The following GPR4 variants were observed in gnomAD, a reference collection of about 807,000 sequenced individuals.
GPR4 encodes G protein-coupled receptor 4.
GPR4 carries 11 observed loss-of-function variants against 17.8 expected under a neutral mutation model. The ratio of observed to expected loss-of-function variants is 0.62; its 90% CI spans 0.39 to 1.02. The LOEUF is 1.02. Among genes scored for constraint, GPR4 ranks in the 50% least tolerant of loss-of-function variants. The pLI, the probability that GPR4 is intolerant of heterozygous loss-of-function variation, is 0.00. For synonymous variants in GPR4, 219 were observed against 222.8 expected (o/e 0.98, Z 0.15); for missense variants, 364 against 495.4 (o/e 0.73, Z 2.52).
chr19:45,591,396 C>G lies in GPR4; in HGVS notation c.471G>C (p.Glu157Asp), dbSNP rs763434229. ...TGTGGTTGTAGCGGTCTCGGAAGAG[C>G]TCGTCATGGAACAGGGGCGCCGAGT... ...GANSAPLFHDELFRDRYNHTF... is the reference protein window; with the variant it reads ...GANSAPLFHDDLFRDRYNHTF... The change falls in exon 2 of 2, where the codon GAG (glutamate) becomes GAC (aspartate). Residue 157 changes from glutamate to aspartate, a missense_variant. Coordinates refer to ENST00000323040, the MANE Select transcript of GPR4 (RefSeq NM_005282.3). The surrounding 1 kb of genome is among the most constrained non-coding windows in gnomAD (Gnocchi z 7.6). The G allele has an allele frequency of 1.2e-6, 2 of 1,613,348 alleles. No homozygotes were observed. Among genetic ancestry groups the G allele is most frequent in the Non-Finnish European group, 1.7e-6 (2 of 1,179,868 alleles).
chr19:45,592,918 G>C (rs1324033062), intron 1 of GPR4, among the ~76,000 whole-genome samples: 2 of 152,120 alleles, frequency 1.3e-5, no homozygotes, highest in African/African-American at 4.8e-5. Flanking sequence ...CAGGCCGGGT[G>C]CAGTGGCTCA....
intron 1 of GPR4, among the ~76,000 whole-genome samples, chr19:45,594,178 C>T (rs955817532): frequency 1.4e-5 from 2 of 146,232 alleles, no homozygotes; most frequent in Non-Finnish European, 3.0e-5. Flanking sequence ...AATCGCAGCA[C>T]TTTGGGAGGC....
At chr19:45,598,498 C>G (rs1970080494) in intron 1 of GPR4, among the ~76,000 whole-genome samples, 1 of 152,030 alleles carries the variant, frequency 6.6e-6, no homozygotes, top group African/African-American at 2.4e-5. Flanking sequence ...CCAGCTCTCA[C>G]CCCTCCTCCC....
In GPR4 at chr19:45,592,289, T is replaced by C. The variant is rs186885638; in HGVS notation, c.-423A>G. The C allele has an allele frequency of 7.8e-5, 14 of 179,280 alleles. No individual in the cohort carries two copies. Among genetic ancestry groups the C allele is most frequent in the Admixed American group, 1.9e-4 (3 of 15,796 alleles). 11.1% of individuals were successfully genotyped at this position (179,280 alleles called of 1,614,324 possible). A position where few individuals can be genotyped will look rare whatever the true frequency, so the allele number is the denominator to read the frequency against. Reference sequence around the variant, plus strand: ...CAATTAGGAAGTATGTGTAGCCATATTGAAGTAATAATGGCGGGGGAATGT... The same window carrying C: ...CAATTAGGAAGTATGTGTAGCCATACTGAAGTAATAATGGCGGGGGAATGT... On this transcript the variant is annotated 5_prime_UTR_variant, in exon 2 of 2. Transcript: ENST00000323040.
chr19:45,593,169 G>C (rs1475143475), intron 1 of GPR4, among the ~76,000 whole-genome samples: 1 of 141,686 alleles, frequency 7.1e-6, no homozygotes, highest in East Asian at 2.0e-4. Flanking sequence ...CGGCACTCCA[G>C]CTTGGGCAAC....
Position 45,591,912 on chromosome 19 carries a change from C to A in GPR4, c.-46G>T. On this transcript the variant is annotated 5_prime_UTR_variant, in exon 2 of 2. Transcript: ENST00000323040. This position sits in a 1 kb window ranked among gnomAD's most constrained non-coding sequence, Gnocchi z 7.6. ...GGGCGCTTCCCCTGGCCCACGGGGG[C>A]TGTGGGGCCACAGGGAGCGGGAGGC... The A allele has an allele frequency of 6.6e-7, 1 of 1,522,284 alleles. No individual in the cohort carries two copies. Among genetic ancestry groups the A allele is most frequent in the Non-Finnish European group, 8.8e-7 (1 of 1,136,006 alleles). 94.3% of individuals were successfully genotyped at this position (1,522,284 alleles called of 1,614,324 possible). A position where few individuals can be genotyped will look rare whatever the true frequency, so the allele number is the denominator to read the frequency against.
chr19:45,593,922 C>A (rs1970025234), intron 1 of GPR4, among the ~76,000 whole-genome samples: 1 of 149,134 alleles, frequency 6.7e-6, no homozygotes, highest in Non-Finnish European at 1.5e-5. Flanking sequence ...CTCTTTTGTC[C>A]AGACTAGAAT....
At chr19:45,594,154 A>C (rs370568053) in intron 1 of GPR4, among the ~76,000 whole-genome samples, 18 of 143,752 alleles carry the variant, frequency 1.3e-4, no homozygotes, top group East Asian at 8.0e-4. Context: ...TGAGCTCAAG[A>C]GATCCTTCCC....
Position 45,590,958 on chromosome 19 carries a change from G to A in GPR4, c.909C>T (p.Asn303=), listed in dbSNP as rs145621795. ...ARSDVAKALH[N]LLRFLASDKP... is the part of the protein sequence containing the mutation. ...TGTCGCTGGCCAGAAAGCGGAGCAGGTTGTGCAGGGCCTTGGCCACATCGC... is the reference window on the plus strand; with the variant it reads ...TGTCGCTGGCCAGAAAGCGGAGCAGATTGTGCAGGGCCTTGGCCACATCGC... The change falls in exon 2 of 2, where the codon AAC becomes AAT. Residue 303 remains asparagine, a synonymous_variant. Coordinates refer to ENST00000323040, the MANE Select transcript of GPR4 (RefSeq NM_005282.3). 813 of 1,613,906 alleles carry A rather than the reference G, an allele frequency of 5.0e-4. 7 individuals carry two copies. Among genetic ancestry groups the A allele is most frequent in the Middle Eastern group, 1.6e-4 (1 of 6,084 alleles).
chr19:45,601,317 A>T (rs112302066), intron 1 of GPR4, among the ~76,000 whole-genome samples: 46 of 152,336 alleles, frequency 3.0e-4, no homozygotes, highest in African/African-American at 1.1e-3. Flanking sequence ...AGGCGGAAGC[A>T]GGAAAGAGTT....
rs543958012 is a variant in GPR4 at position 45,596,206 on chromosome 19, T to C, written c.-831-3509A>G. Among the ~76,000 whole-genome samples, 268 of 148,312 alleles carry C rather than the reference T, an allele frequency of 1.8e-3. 1 individual carries two copies. The highest frequency in any genetic ancestry group is 6.0e-3 in the African/African-American group (245 of 40,720). On this transcript the variant is annotated intron_variant, in intron 1 of 1. Coordinates refer to ENST00000323040, the MANE Select transcript of GPR4 (RefSeq NM_005282.3). ...AAGATCTTTCTTTTCTTTTCTTCTTTTTTTTTTTTTTTTTGAGATGGAGAG... is the reference window on the plus strand; with the variant it reads ...AAGATCTTTCTTTTCTTTTCTTCTTCTTTTTTTTTTTTTTGAGATGGAGAG...
At position 45,590,761 on chromosome 19, in the gene GPR4, T is replaced by A. The variant is rs1568415808; in HGVS notation, c.*17A>T. 6.5e-7 allele frequency: 1 copy of A among 1,543,152 alleles called. No individual in the cohort carries two copies. Among genetic ancestry groups the A allele is most frequent in the Non-Finnish European group, 8.7e-7 (1 of 1,144,332 alleles). The stretch of plus-strand genomic sequence containing the variant: ...GGGATGAGAGGGGAAAACTGGGGAT[T>A]CTGTGCCACTCGGGGTTCATTGTGC... On this transcript the variant is annotated 3_prime_UTR_variant, in exon 2 of 2. Coordinates refer to ENST00000323040, the MANE Select transcript of GPR4 (RefSeq NM_005282.3).
chr19:45,594,066 ATATATAT>A (rs1970030050), intron 1 of GPR4, among the ~76,000 whole-genome samples: 4 of 32,610 alleles, frequency 1.2e-4, no homozygotes, highest in East Asian at 1.6e-3. Context: ...AAAAAAAAAT[ATATATAT>A]ATATATATAT....
rs1969984462 is a variant in GPR4, at chr19:45,590,917, G to A, written c.950C>T (p.Ala317Val). The change falls in exon 2 of 2, where the codon GCC becomes GTC. Residue 317 changes from alanine (A) to valine (V), a missense_variant. Physicochemically the swap from Ala to Val is moderately conservative, Grantham distance 64 (BLOSUM62 0). Transcript: ENST00000323040. ...GGTCTCCAGGGTGAGCGAGGCATTG[G>A]CCATCTCCTGGGGCTTGTCGCTGGC... ...FLASDKPQEM[A>V]NASLTLETPL... 6.2e-7 allele frequency: 1 copy of A among 1,613,992 alleles called. No homozygotes were observed. Among genetic ancestry groups the A allele is most frequent in the South Asian group, 1.1e-5 (1 of 91,090 alleles).
In GPR4 at chr19:45,591,195, C is replaced by A. The variant is rs1429462617; in HGVS notation, c.672G>T (p.Arg224=). ...CGATGGCGATGAGGCTGAGGGCCAGCCGCTTGATCTTGGCCTTCTCCTGGC... is the reference window on the plus strand; with the variant it reads ...CGATGGCGATGAGGCTGAGGGCCAGACGCTTGATCTTGGCCTTCTCCTGGC... ...TERQEKAKIK[R]LALSLIAIVL... The change falls in exon 2 of 2, where the codon CGG becomes CGT. Residue 224 remains arginine (R), a synonymous_variant. Coordinates refer to ENST00000323040, the MANE Select transcript of GPR4 (RefSeq NM_005282.3). The surrounding 1 kb of genome is among the most constrained non-coding windows in gnomAD (Gnocchi z 7.6). 2 of 1,613,428 alleles carry A rather than the reference C, an allele frequency of 1.2e-6. No individual in the cohort carries two copies. Among genetic ancestry groups the A allele is most frequent in the Admixed American group, 3.3e-5 (2 of 59,988 alleles).
rs1397959576 is a variant in GPR4 at position 45,597,866 on chromosome 19, G to A, written c.-832+4229C>T. The stretch of plus-strand genomic sequence containing the variant: ...GACTTTGAAAGGTCAGGGCTGAGTC[G>A]TGCTCAGTAAGTCCTGCCCCCTGTG... On this transcript the variant is annotated intron_variant, in intron 1 of 1. Coordinates refer to ENST00000323040, the MANE Select transcript of GPR4 (RefSeq NM_005282.3). Among the ~76,000 whole-genome samples, 4 of 152,164 alleles carry A rather than the reference G, an allele frequency of 2.6e-5. No individual in the cohort carries two copies. In the East Asian group the frequency reaches 7.7e-4, roughly 29 times the overall value.
At chr19:45,595,582 C>T (rs969446085) in intron 1 of GPR4, among the ~76,000 whole-genome samples, 1 of 152,150 alleles carries the variant, frequency 6.6e-6, no homozygotes, top group Non-Finnish European at 1.5e-5. Context: ...CTGGGAAGAT[C>T]TGCATACACA....
chr19:45,594,678 T>A (rs1970039131), intron 1 of GPR4, among the ~76,000 whole-genome samples: 1 of 152,136 alleles, frequency 6.6e-6, no homozygotes, highest in African/African-American at 2.4e-5. Context: ...GTGCTTCAGT[T>A]TCCACCCCAG....
chr19:45,599,039 T>C (rs944373008), intron 1 of GPR4, among the ~76,000 whole-genome samples: 2 of 152,162 alleles, frequency 1.3e-5, no homozygotes, highest in African/African-American at 4.8e-5. Flanking sequence ...TTAGGCTCTG[T>C]TGAGGGGGTA....
Sources: allele counts gnomAD v4.1 joint callset (sites outside exome capture counted in the v4.1 genomes callset), GRCh38; gene constraint gnomAD v4.1.1; non-coding constraint Gnocchi (gnomAD v3.1); transcripts MANE v1.5; gene names NCBI Gene and HGNC (gene_info 2026-07-23, HGNC 2026-07-21).